CD99: variants seen among roughly 807,000 people sequenced by gnomAD.
CD99 encodes CD99 antigen.
Under a neutral mutation model 28.4 loss-of-function variants are expected in CD99, and 19 were observed. The observed-to-expected ratio is 0.67, with a 90% CI of 0.47 to 0.98. The LOEUF is 0.98. Among genes scored for constraint, CD99 ranks in the 50% least tolerant of loss-of-function variants. CD99 has a pLI of 0.00. For missense variants in CD99, 283 were observed against 248.8 expected, an observed-to-expected ratio of 1.14 and a Z score of -0.92; for synonymous variants, 103 against 92.1, an observed-to-expected ratio of 1.12 and a Z score of -0.67.
At chrX:2,733,719 G>A (rs2049794374) in intron 8 of CD99, 1 of 366,648 alleles carries the variant, frequency 2.7e-6, no homozygotes, top group African/African-American at 2.0e-5. Context: ...GTCCATCCCT[G>A]CCAAGGGAAC....
rs1195241474 is a variant in CD99, at chrX:2,710,901, C to A, written c.68-3521C>A. 3.3e-5 allele frequency among the ~76,000 whole-genome samples: 4 copies of A among 120,902 alleles called. No individual in the cohort carries two copies. In the East Asian group the frequency reaches 9.6e-4, roughly 29 times the overall value. The allele number at this position is 120,902 out of a possible 152,430, so 79.3% of individuals were successfully genotyped here. The stretch of plus-strand genomic sequence containing the variant: ...TTTTTTTTTTTTTGAGATGGAGTCT[C>A]CCTCTGTCACCCAGGCTGGAGTGCA... On this transcript the variant is annotated intron_variant, in intron 1 of 9. Transcript: ENST00000381192.
chrX:2,706,626 A>G (rs2048129722), intron 1 of CD99, among the ~76,000 whole-genome samples: 1 of 152,064 alleles, frequency 6.6e-6, no homozygotes, highest in Admixed American at 6.6e-5. Flanking sequence ...CAGCAGGGAC[A>G]CCCAGGCCAG....
At position 2,714,313 on chromosome X, in the gene CD99, T is replaced by G. The variant is rs188494778; in HGVS notation, c.68-109T>G. On this transcript the variant is annotated intron_variant, in intron 1 of 9. Transcript: ENST00000381192. ...CACCTTGTAAATTTTTTTAAGTTGC[T>G]GTTTTAAATATCACAAAAAGAAAAA... 119 of 858,706 alleles carry G rather than the reference T, an allele frequency of 1.4e-4. No homozygotes were observed. In the Admixed American group the frequency reaches 2.8e-3, roughly 20 times the overall value. The allele number at this position is 858,706 out of a possible 1,614,324, so 53.2% of individuals were successfully genotyped here.
intron 8 of CD99, among the ~76,000 whole-genome samples, chrX:2,726,617 GT>G: frequency 6.6e-6 from 1 of 152,252 alleles, no homozygotes; most frequent in East Asian, 1.9e-4. Context: ...GGTTGTTTAC[GT>G]CTACCAAGTG....
chrX:2,720,912 C>A (rs1216390433), intron 5 of CD99, among the ~76,000 whole-genome samples: 1 of 152,108 alleles, frequency 6.6e-6, no homozygotes, highest in East Asian at 1.9e-4. Flanking sequence ...AGGTGTGAGC[C>A]ACTGTGCCTG....
intron 2 of CD99, among the ~76,000 whole-genome samples, chrX:2,716,539 T>A (rs1215550956): frequency 1.3e-5 from 2 of 152,092 alleles, no homozygotes; most frequent in African/African-American, 4.8e-5. Context: ...TTGCTCAGAT[T>A]GGAGTGCCAC....
chrX:2,735,211 G>A (rs1018392851), intron 8 of CD99, among the ~76,000 whole-genome samples: 3 of 152,046 alleles, frequency 2.0e-5, no homozygotes, highest in Admixed American at 6.5e-5. Flanking sequence ...CCAAGCACAC[G>A]GTGTGTGTGT....
At chrX:2,700,843 A>G (rs903391612) in intron 1 of CD99, among the ~76,000 whole-genome samples, 4 of 151,258 alleles carry the variant, frequency 2.6e-5, no homozygotes, top group African/African-American at 9.7e-5. Context: ...CCATCCACCT[A>G]TCTGTTCATC....
intron 1 of CD99, among the ~76,000 whole-genome samples, chrX:2,698,049 G>A (rs1036200777): frequency 7.2e-5 from 11 of 151,966 alleles, no homozygotes; most frequent in African/African-American, 2.2e-4. Flanking sequence ...CATAGCATCC[G>A]ATAGACAGAC....
intron 1 of CD99, among the ~76,000 whole-genome samples, chrX:2,713,130 A>C (rs2048510054): frequency 7.9e-6 from 1 of 125,988 alleles, no homozygotes; most frequent in South Asian, 2.6e-4. Flanking sequence ...CCGCCTACAC[A>C]TACACACACA....
At chrX:2,734,795 C>CT (rs199499573) in intron 8 of CD99, among the ~76,000 whole-genome samples, 1,830 of 137,928 alleles carry the variant, frequency 0.013, 45 homozygotes, top group African/African-American at 0.047. Context: ...TCTTATTTTC[C>CT]TTTTTTTTTC....
chrX:2,733,363 G>A, intron 8 of CD99: 3 of 1,591,004 alleles, frequency 1.9e-6, no homozygotes, highest in Non-Finnish European at 2.6e-6. Flanking sequence ...TCAGATGGCT[G>A]AAGACCTAGG....
Position 2,714,348 on chromosome X carries a change from T to C in CD99, c.68-74T>C, listed in dbSNP as rs377055577. 5.5e-5 allele frequency: 67 copies of C among 1,227,016 alleles called. 2 individuals carry two copies. The highest frequency in any genetic ancestry group is 4.2e-4 in the Admixed American group (19 of 45,400). 76.0% of individuals were successfully genotyped at this position (1,227,016 alleles called of 1,614,324 possible). ...ATCACAAAAAGAAAAATCGCATATC[T>C]TTTTTATCTCTATAATATTCAAATT... On this transcript the variant is annotated intron_variant, in intron 1 of 9. Transcript: ENST00000381192.
chrX:2,698,080 C>T (rs2047658795), intron 1 of CD99, among the ~76,000 whole-genome samples: 1 of 151,950 alleles, frequency 6.6e-6, no homozygotes, highest in Non-Finnish European at 1.5e-5. Flanking sequence ...GCTACAGCCA[C>T]CTATGGGAAG....
chrX:2,697,940 T>C (rs926976625), intron 1 of CD99, among the ~76,000 whole-genome samples: 7 of 151,678 alleles, frequency 4.6e-5, no homozygotes, highest in African/African-American at 1.7e-4. Context: ...GAGATGGATA[T>C]GAACATCTGT....
intron 9 of CD99, 137 bp from the exon 10 acceptor site, chrX:2,740,642 G>C: frequency 1.4e-6 from 1 of 708,828 alleles, no homozygotes; most frequent in Non-Finnish European, 2.4e-6. Flanking sequence ...TTAGGGTTTT[G>C]CTTTCTCGTG....
chrX:2,727,990 C>T (rs2049381355), intron 8 of CD99, among the ~76,000 whole-genome samples: 2 of 152,066 alleles, frequency 1.3e-5, no homozygotes, highest in Admixed American at 6.6e-5. Flanking sequence ...GGAGTTTCCC[C>T]GTAATCTCCC....
At chrX:2,701,514 A>G (rs2047862249) in intron 1 of CD99, among the ~76,000 whole-genome samples, 1 of 152,258 alleles carries the variant, frequency 6.6e-6, no homozygotes, top group Non-Finnish European at 1.5e-5. Context: ...GAGTTCTCCC[A>G]GGAGGGGCCC....
rs372666029 is a variant in CD99 at position 2,726,235 on chromosome X, C to T, written c.362-25C>T. ...CTCTGCACCGTGCGTGTCTCAATCA[C>T]GATGCTGTGTGCTTCCTCCTGCAGC... On this transcript the variant is annotated intron_variant, in intron 7 of 9. Coordinates refer to ENST00000381192, the MANE Select transcript of CD99 (RefSeq NM_002414.5). The T allele has an allele frequency of 4.4e-5, 63 of 1,446,734 alleles. No homozygotes were observed. In the South Asian group the frequency reaches 5.6e-4, roughly 13 times the overall value. 89.6% of individuals were successfully genotyped at this position (1,446,734 alleles called of 1,614,324 possible). A position where few individuals can be genotyped will look rare whatever the true frequency, so the allele number is the denominator to read the frequency against.
Sources: gnomAD v4.1 joint callset for allele counts (sites outside exome capture counted in the v4.1 genomes callset) on GRCh38, gnomAD v4.1.1 for gene constraint, MANE v1.5 for transcripts, NCBI Gene and HGNC (gene_info 2026-07-23, HGNC 2026-07-21) for gene names.